ROR1: variants seen among roughly 807,000 people sequenced by gnomAD.
The protein encoded by ROR1 is inactive tyrosine-protein kinase transmembrane receptor ROR1.
ROR1 carries 19 observed loss-of-function variants against 78.8 expected under a neutral mutation model. The observed-to-expected ratio is 0.24, with a 90% confidence interval of 0.17 to 0.35. The LOEUF is 0.35. Among genes scored for constraint, ROR1 ranks in the 10% least tolerant of loss-of-function variants. ROR1 has a pLI of 1.00. For missense variants in ROR1, 917 were observed against 1,177.8 expected, an observed-to-expected ratio of 0.78 and a Z score of 3.24; for synonymous variants, 386 against 433.6, an observed-to-expected ratio of 0.89 and a Z score of 1.36.
chr1:63,945,271 C>T (rs1000756795), intron 1 of ROR1, among the ~76,000 whole-genome samples: 11 of 152,292 alleles, frequency 7.2e-5, no homozygotes, highest in Middle Eastern at 3.4e-3. Flanking sequence ...TCTCGGTATA[C>T]ACATGCAATA....
chr1:64,015,690 T>C (rs756603329), intron 2 of ROR1, among the ~76,000 whole-genome samples: 16 of 152,194 alleles, frequency 1.1e-4, no homozygotes, highest in Non-Finnish European at 1.6e-4. Context: ...CCTTGGCTCT[T>C]GGCACGTGGC....
chr1:63,853,500 C>T (rs1483507608), intron 1 of ROR1, among the ~76,000 whole-genome samples: 1 of 152,162 alleles, frequency 6.6e-6, no homozygotes, highest in East Asian at 1.9e-4. Flanking sequence ...ATTAGGAATG[C>T]TCAGCTGGTA....
intron 4 of ROR1, among the ~76,000 whole-genome samples, chr1:64,122,272 A>G (rs1346433207): frequency 6.6e-6 from 1 of 152,196 alleles, no homozygotes; most frequent in Non-Finnish European, 1.5e-5. Context: ...TTAAAATGTA[A>G]CTATGTGATG....
rs551294891 is a variant in ROR1 at position 63,871,169 on chromosome 1, C to T, written c.91+96661C>T. Among the ~76,000 whole-genome samples, 6 of 152,204 alleles carry T rather than the reference C, an allele frequency of 3.9e-5. No individual in the cohort carries two copies. The South Asian group carries it at 1.0e-3, about 26-fold the overall frequency. ...TTATTGCTTTCCAGACTGATGTCTC[C>T]GAACTTAGGTAGTAGTGGAGTCTGT... On this transcript the variant is annotated intron_variant, in intron 1 of 8. Transcript: ENST00000371079.
At chr1:63,990,616 T>A (rs149524291) in intron 1 of ROR1, among the ~76,000 whole-genome samples, 1,717 of 152,310 alleles carry the variant, frequency 0.011, 14 homozygotes, top group Middle Eastern at 0.051. Context: ...CAAACCTCTA[T>A]TCCTGAGAAG....
chr1:63,949,794 G>A (rs1377198032), intron 1 of ROR1, among the ~76,000 whole-genome samples: 1 of 152,124 alleles, frequency 6.6e-6, no homozygotes, highest in African/African-American at 2.4e-5. Flanking sequence ...GACTTCAGTA[G>A]TTTTTCCTTC....
At chr1:63,799,274 A>T (rs1644781179) in intron 1 of ROR1, among the ~76,000 whole-genome samples, 1 of 152,198 alleles carries the variant, frequency 6.6e-6, no homozygotes, top group Non-Finnish European at 1.5e-5. Context: ...TTCCTCAAAA[A>T]TATCTTCAAT....
At chr1:64,138,977 A>G (rs559103276) in intron 5 of ROR1, among the ~76,000 whole-genome samples, 48 of 152,122 alleles carry the variant, frequency 3.2e-4, no homozygotes, top group African/African-American at 1.1e-3. Flanking sequence ...AGCCCGGCCT[A>G]CATAGCAAAA....
At chr1:64,114,330 A>G (rs1569791003) in intron 4 of ROR1, among the ~76,000 whole-genome samples, 1 of 152,212 alleles carries the variant, frequency 6.6e-6, no homozygotes, top group African/African-American at 2.4e-5. Flanking sequence ...CCCTTTTGAT[A>G]CTATCAGTAT....
In ROR1 at chr1:64,178,005, C is replaced by A; in HGVS notation, c.1964C>A (p.Pro655His). 1 of 1,614,152 alleles carries A rather than the reference C, an allele frequency of 6.2e-7. No individual in the cohort carries two copies. Among genetic ancestry groups the A allele is most frequent in the Non-Finnish European group, 8.5e-7 (1 of 1,180,016 alleles). The change falls in exon 9 of 9, where the codon CCC becomes CAC. Residue 655 changes from proline to histidine, a missense_variant. Physicochemically the swap from Pro to His is moderately conservative, Grantham distance 77. This residue lies in a region of ROR1 where 835 missense variants were observed against 1,069.8 expected (regional missense o/e 0.78). Transcript: ENST00000371079. The surrounding 1 kb of genome is among the most constrained non-coding windows in gnomAD (Gnocchi z 4.3). Reference sequence around the variant, plus strand: ...AGGGTCCAGAGTAAGTCCTTGCTGCCCATTCGCTGGATGCCCCCTGAAGCC... The same window carrying A: ...AGGGTCCAGAGTAAGTCCTTGCTGCACATTCGCTGGATGCCCCCTGAAGCC... ...YYRVQSKSLLPIRWMPPEAIM... is the reference protein window; with the variant it reads ...YYRVQSKSLLHIRWMPPEAIM...
chr1:63,939,309 A>G (rs1445668540), intron 1 of ROR1, among the ~76,000 whole-genome samples: 1 of 152,190 alleles, frequency 6.6e-6, no homozygotes, highest in Non-Finnish European at 1.5e-5. Flanking sequence ...GGACGAGAGC[A>G]TATTTTGAGG....
intron 1 of ROR1, among the ~76,000 whole-genome samples, chr1:63,847,084 T>C (rs574650928): frequency 7.2e-5 from 11 of 152,292 alleles, no homozygotes; most frequent in African/African-American, 2.6e-4. Flanking sequence ...AGATGGTGAC[T>C]GCCTTCTCCA....
chr1:63,870,382 G>A lies in ROR1; in HGVS notation c.91+95874G>A, dbSNP rs967925340. Among the ~76,000 whole-genome samples, 3 of 152,172 alleles carry A rather than the reference G, an allele frequency of 2.0e-5. No individual in the cohort carries two copies. In the East Asian group the frequency reaches 5.8e-4, roughly 29 times the overall value. ...TTGTGGTGAGAATAGGAATTAGGTA[G>A]CAAGAGTTCCCAGGCTTCATTGTCC... On this transcript the variant is annotated intron_variant, in intron 1 of 8. Transcript: ENST00000371079.
chr1:63,979,178 C>T (rs1291846203), intron 1 of ROR1, among the ~76,000 whole-genome samples: 2 of 152,044 alleles, frequency 1.3e-5, no homozygotes, highest in African/African-American at 2.4e-5. Context: ...CATATCTGGG[C>T]CCAGCCAAGT....
chr1:64,030,457 G>A (rs1646651217), intron 2 of ROR1, among the ~76,000 whole-genome samples: 1 of 152,200 alleles, frequency 6.6e-6, no homozygotes, highest in East Asian at 1.9e-4. Flanking sequence ...ACTTCCACAT[G>A]GTCCTATAAA....
intron 1 of ROR1, among the ~76,000 whole-genome samples, chr1:63,865,208 G>A (rs1645207752): frequency 6.6e-6 from 1 of 152,068 alleles, no homozygotes; most frequent in African/African-American, 2.4e-5. Flanking sequence ...TTTGGTCCTA[G>A]TCTTTATAGT....
At chr1:64,004,739 T>C (rs953689889) in intron 1 of ROR1, among the ~76,000 whole-genome samples, 3 of 152,176 alleles carry the variant, frequency 2.0e-5, no homozygotes, top group African/African-American at 7.2e-5. Context: ...CACAGGCTTT[T>C]ATCAATGAGG....
In ROR1 at chr1:63,972,764, A is replaced by G. The variant is rs1646128779; in HGVS notation, c.92-36541A>G. Among the ~76,000 whole-genome samples the G allele has an allele frequency of 2.0e-5, 3 of 152,222 alleles. No homozygotes were observed. In the South Asian group the frequency reaches 6.2e-4, roughly 32 times the overall value. ...ATACTGTCTAATGGAAGCGACCACA[A>G]CTTAATTCCAGTTAATCATTGCCAT... On this transcript the variant is annotated intron_variant, in intron 1 of 8. Coordinates refer to ENST00000371079, the MANE Select transcript of ROR1 (RefSeq NM_005012.4).
At chr1:64,129,746 A>G (rs897676766) in intron 4 of ROR1, among the ~76,000 whole-genome samples, 3 of 152,214 alleles carry the variant, frequency 2.0e-5, no homozygotes, top group Admixed American at 2.0e-4. Flanking sequence ...GTGCAGTCCT[A>G]TCATTTCAAA....
Sources: allele counts gnomAD v4.1 joint callset (sites outside exome capture counted in the v4.1 genomes callset), GRCh38; gene constraint gnomAD v4.1.1; regional missense constraint gnomAD v4.1.1; non-coding constraint Gnocchi (gnomAD v3.1); transcripts MANE v1.5; gene names NCBI Gene and HGNC (gene_info 2026-07-23, HGNC 2026-07-21).